The following SERGEF variants were observed in gnomAD, a reference collection of about 807,000 sequenced individuals.
SERGEF encodes secretion-regulating guanine nucleotide exchange factor.
In SERGEF, 51 loss-of-function variants were observed where a neutral mutation model predicts 50.0. The observed-to-expected ratio is 1.02, with a 90% CI of 0.81 to 1.29. SERGEF has a LOEUF of 1.29. Ranked by LOEUF, SERGEF falls within the 50% of genes most tolerant of loss-of-function variation. The pLI is 0.00. For synonymous variants in SERGEF, 205 were observed against 212.4 expected (o/e 0.97, Z 0.30); for missense variants, 521 against 557.0 (o/e 0.94, Z 0.65).
At chr11:18,011,836 C>G (rs535081395) in intron 1 of SERGEF, among the ~76,000 whole-genome samples, 1 of 152,272 alleles carries the variant, frequency 6.6e-6, no homozygotes, top group African/African-American at 2.4e-5. Context: ...TCAAAGACGC[C>G]CAGCCAGCCA....
chr11:17,838,920 A>G (rs1368112287), intron 10 of SERGEF, among the ~76,000 whole-genome samples: 1 of 152,226 alleles, frequency 6.6e-6, no homozygotes, highest in Non-Finnish European at 1.5e-5. Context: ...TTTGAAAAAC[A>G]GCCCTGCCAA....
chr11:17,862,073 GC>G (rs1433283932), intron 10 of SERGEF, among the ~76,000 whole-genome samples: 1 of 152,142 alleles, frequency 6.6e-6, no homozygotes, highest in Admixed American at 6.6e-5. Context: ...TCTGAACGTA[GC>G]CATCACTGTA....
At chr11:17,800,616 G>C (rs1849651474) in intron 10 of SERGEF, among the ~76,000 whole-genome samples, 1 of 152,140 alleles carries the variant, frequency 6.6e-6, no homozygotes, top group African/African-American at 2.4e-5. Flanking sequence ...CAAGCAAGTA[G>C]TCATACAATT....
At chr11:18,007,151 T>G (rs1854091736) in intron 2 of SERGEF, among the ~76,000 whole-genome samples, 1 of 152,238 alleles carries the variant, frequency 6.6e-6, no homozygotes, top group African/African-American at 2.4e-5. Flanking sequence ...TTTAGTTATT[T>G]TTAAATGAGA....
At chr11:17,912,830 G>A (rs927412787) in intron 9 of SERGEF, among the ~76,000 whole-genome samples, 1 of 152,184 alleles carries the variant, frequency 6.6e-6, no homozygotes, top group Non-Finnish European at 1.5e-5. Flanking sequence ...ACAAGTCACA[G>A]CCTTCATATT....
chr11:17,837,911 C>T (rs961554634), intron 10 of SERGEF, among the ~76,000 whole-genome samples: 2 of 152,048 alleles, frequency 1.3e-5, no homozygotes, highest in Admixed American at 6.6e-5. Context: ...GTGATTCACC[C>T]GCCTCGGCCT....
chr11:18,000,590 G>C, intron 4 of SERGEF, 33 bp from the exon 5 acceptor site: 1 of 1,472,668 alleles, frequency 6.8e-7, no homozygotes, highest in Non-Finnish European at 9.3e-7. Flanking sequence ...TTAGATCTCA[G>C]AACCATCCAT....
At chr11:17,842,128 G>A (rs1022094033) in intron 10 of SERGEF, among the ~76,000 whole-genome samples, 1 of 152,092 alleles carries the variant, frequency 6.6e-6, no homozygotes, top group African/African-American at 2.4e-5. Flanking sequence ...AGCTCCTTGA[G>A]GGTGAGGGAT....
chr11:17,830,685 A>AGAGAGAGAGAGAGAGAGAGAGAGAGC (rs540825238), intron 10 of SERGEF, among the ~76,000 whole-genome samples: 4 of 119,008 alleles, frequency 3.4e-5, no homozygotes, highest in Admixed American at 1.1e-4. Context: ...AGAGAGAGAG[A>AGAGAGAGAGAGAGAGAGAGAGAGAGC]GAGCACATGT....
At chr11:17,982,887 A>C (rs1374745433) in intron 8 of SERGEF, among the ~76,000 whole-genome samples, 2 of 152,214 alleles carry the variant, frequency 1.3e-5, no homozygotes, top group Non-Finnish European at 2.9e-5. Flanking sequence ...GAGGACACCG[A>C]TGGAAGGGAG....
At chr11:17,894,021 T>C (rs138621409) in intron 9 of SERGEF, among the ~76,000 whole-genome samples, 25 of 152,274 alleles carry the variant, frequency 1.6e-4, no homozygotes, top group Admixed American at 3.9e-4. Flanking sequence ...GTCAAAATGG[T>C]CTTCCTAAAG....
chr11:17,857,370 C>T (rs1359543780), intron 10 of SERGEF, among the ~76,000 whole-genome samples: 1 of 152,198 alleles, frequency 6.6e-6, no homozygotes, highest in Non-Finnish European at 1.5e-5. Context: ...CAGGGTTCTT[C>T]TTACATTAGA....
At chr11:17,932,814 G>A (rs1477698408) in intron 9 of SERGEF, among the ~76,000 whole-genome samples, 1 of 152,106 alleles carries the variant, frequency 6.6e-6, no homozygotes, top group Admixed American at 6.5e-5. Flanking sequence ...GCTGGGAGCA[G>A]GGAGAGTATA....
chr11:17,825,021 C>A (rs913439064), intron 10 of SERGEF, among the ~76,000 whole-genome samples: 2 of 152,210 alleles, frequency 1.3e-5, no homozygotes, highest in African/African-American at 4.8e-5. Flanking sequence ...AAAGCTTCCA[C>A]CTTGATGGCC....
At chr11:17,911,412 CAT>C (rs1301320221) in intron 9 of SERGEF, among the ~76,000 whole-genome samples, 3 of 147,912 alleles carry the variant, frequency 2.0e-5, no homozygotes, top group African/African-American at 5.0e-5. Flanking sequence ...TACACACACA[CAT>C]ATATTTAATG....
At chr11:17,817,213 A>ATTT (rs36024602) in intron 10 of SERGEF, among the ~76,000 whole-genome samples, 1 of 135,170 alleles carries the variant, frequency 7.4e-6, no homozygotes, top group Non-Finnish European at 1.6e-5. Context: ...CTTTCCATGT[A>ATTT]TTTTTTTTTT....
chr11:17,921,406 C>T (rs951363283), intron 9 of SERGEF, among the ~76,000 whole-genome samples: 11 of 152,210 alleles, frequency 7.2e-5, no homozygotes, highest in African/African-American at 2.6e-4. Context: ...TGAGACTGCC[C>T]ATGTAAAATA....
At chr11:17,906,376 C>CT (rs1851840493) in intron 9 of SERGEF, among the ~76,000 whole-genome samples, 1 of 152,282 alleles carries the variant, frequency 6.6e-6, no homozygotes, top group African/African-American at 2.4e-5. Context: ...CAGTCTCTGT[C>CT]TTTTTTATTG....
At chr11:17,807,361 T>C (rs1392340966) in intron 10 of SERGEF, among the ~76,000 whole-genome samples, 4 of 151,938 alleles carry the variant, frequency 2.6e-5, no homozygotes, top group Non-Finnish European at 5.9e-5. Flanking sequence ...CCAAAACCCA[T>C]GCAACAACAA....
Sources: gnomAD v4.1 joint callset for allele counts (sites outside exome capture counted in the v4.1 genomes callset) on GRCh38, gnomAD v4.1.1 for gene constraint, MANE v1.5 for transcripts, NCBI Gene and HGNC (gene_info 2026-07-23, HGNC 2026-07-21) for gene names.